EFNA5: variants seen among roughly 807,000 people sequenced by gnomAD.
EFNA5 encodes ephrin A5.
Under a neutral mutation model 22.9 loss-of-function variants are expected in EFNA5, and 5 were observed. The observed-to-expected ratio is 0.22, with a 90% CI of 0.11 to 0.46. EFNA5 has a LOEUF of 0.46. Among genes scored for constraint, EFNA5 ranks in the 20% least tolerant of loss-of-function variants. The probability of loss-of-function intolerance (pLI) is 0.99; values close to 1 mark genes in which losing one functional copy is unlikely to be tolerated. For synonymous variants in EFNA5, 113 were observed against 112.2 expected (o/e 1.01, Z -0.04); for missense variants, 237 against 293.3 (o/e 0.81, Z 1.40).
At chr5:107,402,920 A>C (rs1258546444) in intron 2 of EFNA5, among the ~76,000 whole-genome samples, 1 of 152,202 alleles carries the variant, frequency 6.6e-6, no homozygotes, top group Non-Finnish European at 1.5e-5. Flanking sequence ...TTTTATGCCA[A>C]ATCAGAGTCT....
chr5:107,570,628 T>C (rs537983419), intron 1 of EFNA5, among the ~76,000 whole-genome samples: 2 of 150,600 alleles, frequency 1.3e-5, no homozygotes, highest in African/African-American at 4.9e-5. Context: ...GAGATGACTT[T>C]TAAAATGAAA....
chr5:107,652,876 G>T (rs1432406118), intron 1 of EFNA5, among the ~76,000 whole-genome samples: 1 of 151,684 alleles, frequency 6.6e-6, no homozygotes, highest in East Asian at 1.9e-4. Context: ...ATATTTAAAT[G>T]ATTTAATTTT....
intron 1 of EFNA5, among the ~76,000 whole-genome samples, chr5:107,553,878 G>GCCTTT (rs1748352737): frequency 2.0e-5 from 3 of 152,050 alleles, no homozygotes; most frequent in African/African-American, 7.2e-5. Context: ...GCATTTGCAT[G>GCCTTT]ATTCTTTGTT....
chr5:107,545,098 T>C (rs1213194774), intron 1 of EFNA5, among the ~76,000 whole-genome samples: 4 of 152,234 alleles, frequency 2.6e-5, no homozygotes, highest in African/African-American at 9.6e-5. Context: ...TCTAAAGCCC[T>C]GTCTATATCT....
intron 1 of EFNA5, among the ~76,000 whole-genome samples, chr5:107,473,729 C>T (rs996360643): frequency 3.4e-5 from 5 of 148,016 alleles, no homozygotes; most frequent in Admixed American, 2.7e-4. Context: ...GGTGTGATCT[C>T]GGCTCACTGC....
intron 1 of EFNA5, among the ~76,000 whole-genome samples, chr5:107,650,636 C>A (rs550498669): frequency 6.6e-6 from 1 of 152,218 alleles, no homozygotes; most frequent in Non-Finnish European, 1.5e-5. Context: ...ATTATGTAAA[C>A]CAAAACTGAC....
chr5:107,602,073 G>A (rs768679851), intron 1 of EFNA5, among the ~76,000 whole-genome samples: 9 of 152,240 alleles, frequency 5.9e-5, no homozygotes, highest in Non-Finnish European at 8.8e-5. Flanking sequence ...GGAAAGAGAC[G>A]TGAGCTCACA....
intron 1 of EFNA5, among the ~76,000 whole-genome samples, chr5:107,555,886 G>A (rs2112472408): frequency 6.6e-6 from 1 of 152,342 alleles, no homozygotes; most frequent in East Asian, 1.9e-4. Flanking sequence ...AGGGTGCAGA[G>A]TAAAACATCC....
intron 1 of EFNA5, among the ~76,000 whole-genome samples, chr5:107,635,571 T>G (rs1750357026): frequency 6.6e-6 from 1 of 152,220 alleles, no homozygotes; most frequent in Non-Finnish European, 1.5e-5. Flanking sequence ...GGGATTTCAT[T>G]TTGTGCTGAC....
intron 1 of EFNA5, among the ~76,000 whole-genome samples, chr5:107,498,693 G>A (rs1432545085): frequency 1.3e-5 from 2 of 152,170 alleles, no homozygotes. Context: ...GGGCCCTTCT[G>A]AGCTCAGGGC....
At chr5:107,453,580 T>A (rs1248969740) in intron 1 of EFNA5, among the ~76,000 whole-genome samples, 1 of 152,200 alleles carries the variant, frequency 6.6e-6, no homozygotes, top group Non-Finnish European at 1.5e-5. Flanking sequence ...GTAATTGATT[T>A]CATGATTTTT....
At chr5:107,536,991 G>A (rs562981325) in intron 1 of EFNA5, among the ~76,000 whole-genome samples, 1 of 151,162 alleles carries the variant, frequency 6.6e-6, no homozygotes, top group Admixed American at 6.6e-5. Context: ...TGTAATCCTG[G>A]CTACTTGGGA....
rs558076116 is a variant in EFNA5 at position 107,630,451 on chromosome 5, T to C, written c.125+40038A>G. ...TGTGACACAATGGTAAATATTTGCA[T>C]ATCTAAATGTATCTAAACATAGAAA... On this transcript the variant is annotated intron_variant, in intron 1 of 4. Coordinates refer to ENST00000333274, the MANE Select transcript of EFNA5 (RefSeq NM_001962.3). 3.9e-5 allele frequency among the ~76,000 whole-genome samples: 6 copies of C among 152,330 alleles called. No individual in the cohort carries two copies. In the East Asian group the frequency reaches 1.2e-3, roughly 29 times the overall value.
chr5:107,617,133 C>T (rs1463433283), intron 1 of EFNA5, among the ~76,000 whole-genome samples: 1 of 151,214 alleles, frequency 6.6e-6, no homozygotes, highest in Non-Finnish European at 1.5e-5. Context: ...CAGCAGATAC[C>T]GCTACTCTTA....
intron 1 of EFNA5, among the ~76,000 whole-genome samples, chr5:107,652,458 T>C (rs1015409648): frequency 2.0e-5 from 3 of 152,208 alleles, no homozygotes; most frequent in Admixed American, 2.0e-4. Flanking sequence ...ATTGTTCTAA[T>C]ATATTAGTGG....
At chr5:107,490,313 C>T (rs1333735966) in intron 1 of EFNA5, among the ~76,000 whole-genome samples, 1 of 152,098 alleles carries the variant, frequency 6.6e-6, no homozygotes, top group Non-Finnish European at 1.5e-5. Flanking sequence ...CCAGGTTAGA[C>T]TCCAACTCCC....
intron 1 of EFNA5, among the ~76,000 whole-genome samples, chr5:107,534,446 A>G (rs1322343241): frequency 6.6e-6 from 1 of 152,192 alleles, no homozygotes; most frequent in Non-Finnish European, 1.5e-5. Flanking sequence ...AAGAATGTAA[A>G]TCTAGGTCAT....
Position 107,638,999 on chromosome 5 carries a change from A to G in EFNA5, c.125+31490T>C, listed in dbSNP as rs570112731. ...ATGGATTTAATAAAATAGAAAAAAG[A>G]TACATGTGGTGTGTTGCAGAATACT... is the stretch of plus-strand genomic sequence containing the variant. On this transcript the variant is annotated intron_variant, in intron 1 of 4. Transcript: ENST00000333274. Among the ~76,000 whole-genome samples, 158 of 152,346 alleles carry G rather than the reference A, an allele frequency of 1.0e-3. No homozygotes were observed. The Middle Eastern group carries it at 0.034, about 33-fold the overall frequency.
intron 1 of EFNA5, among the ~76,000 whole-genome samples, chr5:107,519,693 T>TA (rs1365114113): frequency 6.6e-6 from 1 of 152,194 alleles, no homozygotes; most frequent in African/African-American, 2.4e-5. Flanking sequence ...AATGTAAAAT[T>TA]AGACATCTAC....
Sources: allele counts gnomAD v4.1 joint callset (sites outside exome capture counted in the v4.1 genomes callset), GRCh38; gene constraint gnomAD v4.1.1; transcripts MANE v1.5; gene names NCBI Gene and HGNC (gene_info 2026-07-23, HGNC 2026-07-21).